Variants in DNAH12 observed in about 807,000 individuals in gnomAD.
DNAH12 encodes dynein axonemal heavy chain 12, also known as axonemal beta dynein heavy chain 12.
Under a neutral mutation model 371.5 loss-of-function variants are expected in DNAH12, and 285 were observed. That is an observed-to-expected ratio of 0.77 (90% CI 0.70 to 0.85). The LOEUF is 0.85. DNAH12 is among the 40% of genes least tolerant of loss of function. The probability of loss-of-function intolerance (pLI) is 0.00; values close to 1 mark genes in which losing one functional copy is unlikely to be tolerated. For missense variants in DNAH12, 3,611 were observed against 3,689.4 expected, an observed-to-expected ratio of 0.98 and a Z score of 0.55; for synonymous variants, 1,200 against 1,213.0, an observed-to-expected ratio of 0.99 and a Z score of 0.22.
chr3:57,380,891 G>C (rs988622417), intron 50 of DNAH12, among the ~76,000 whole-genome samples: 4 of 152,146 alleles, frequency 2.6e-5, no homozygotes, highest in East Asian at 1.9e-4. Flanking sequence ...GTTTAAAAAA[G>C]TAAACACTGA....
rs1257584651 is a variant in DNAH12, at chr3:57,424,943, T to C, written c.5373+79A>G. On this transcript the variant is annotated intron_variant, in intron 35 of 73. Coordinates refer to ENST00000495027, the MANE Select transcript of DNAH12 (RefSeq NM_001366028.2). ...CAAAAAATAGCTTTGGATCTTGTCA[T>C]GTCTTTCTCAATATAAACATCATGT... is the stretch of plus-strand genomic sequence containing the variant. The C allele has an allele frequency of 1.6e-5, 10 of 625,662 alleles. No individual in the cohort carries two copies. The East Asian group carries it at 2.7e-4, about 17-fold the overall frequency. The allele number at this position is 625,662 out of a possible 1,614,324, so 38.8% of individuals were successfully genotyped here.
chr3:57,322,284 C>T, intron 65 of DNAH12, 59 bp downstream of exon 65: 1 of 1,411,254 alleles, frequency 7.1e-7, no homozygotes, highest in African/African-American at 1.5e-5. Flanking sequence ...CAAAATTTTA[C>T]ACTTCCATAT....
chr3:57,294,176 C>CTT lies in DNAH12; in HGVS notation c.11693-207_11693-206dup, dbSNP rs62779960. ...ACAAGGCAAGTATTTCTTTTCTTTT[C>CTT]TTTTTTTTTTTTTTTTTGGAGACTG... On this transcript the variant is annotated intron_variant, in intron 73 of 73. Transcript: ENST00000495027. Among the ~76,000 whole-genome samples, 338 of 129,068 alleles carry CTT rather than the reference C, an allele frequency of 2.6e-3. 5 individuals are homozygous for CTT. Among genetic ancestry groups the CTT allele is most frequent in the African/African-American group, 7.2e-3 (245 of 34,158 alleles). The allele number at this position is 129,068 out of a possible 152,430, so 84.7% of individuals were successfully genotyped here.
At chr3:57,415,312 A>C (rs1218040172) in intron 38 of DNAH12, 114 bp downstream of exon 38, 1 of 1,366,358 alleles carries the variant, frequency 7.3e-7, no homozygotes, top group Non-Finnish European at 9.7e-7. Context: ...CAAACATTTG[A>C]AAGTTTTAAA....
intron 4 of DNAH12, among the ~76,000 whole-genome samples, chr3:57,517,761 C>T (rs975337570): frequency 2.0e-5 from 3 of 152,218 alleles, no homozygotes; most frequent in South Asian, 4.1e-4. Flanking sequence ...CTTGAAAACT[C>T]CCTGGCCCAG....
chr3:57,354,026 T>C (rs1245615562), intron 59 of DNAH12, among the ~76,000 whole-genome samples: 1 of 152,166 alleles, frequency 6.6e-6, no homozygotes, highest in East Asian at 1.9e-4. Context: ...ATTGGGTACA[T>C]ACCCAAAGGA....
At chr3:57,501,212 G>T (rs1020390755) in intron 11 of DNAH12, 109 bp downstream of exon 11, 4 of 783,072 alleles carry the variant, frequency 5.1e-6, no homozygotes, top group African/African-American at 3.7e-5. Flanking sequence ...TTACTGAAAT[G>T]ATATTTTAAA....
At chr3:57,304,194 C>G (rs1020917563) in intron 69 of DNAH12, among the ~76,000 whole-genome samples, 2 of 152,110 alleles carry the variant, frequency 1.3e-5, no homozygotes, top group African/African-American at 4.8e-5. Flanking sequence ...CTGCGTGCAC[C>G]CAGGTGATTA....
chr3:57,429,322 A>T (rs558301498), intron 33 of DNAH12, among the ~76,000 whole-genome samples: 1 of 152,152 alleles, frequency 6.6e-6, no homozygotes, highest in Non-Finnish European at 1.5e-5. Flanking sequence ...GATTACAGGC[A>T]TGCACCACCA....
In DNAH12 at chr3:57,323,013, A is replaced by G. The variant is rs1451562254; in HGVS notation, c.10377T>C (p.Ser3459=). The change falls in exon 64 of 74, where the codon TCT becomes TCC. Residue 3459 remains serine, a synonymous_variant. Transcript: ENST00000495027. ...SFRLWLTSYP[S]SKFPVTILQN... Reference sequence around the variant, plus strand: ...TATAAGGAAATAAACATACTTTTGAAGATGGATAGCTTGTCAGCCAAAGCC... The same window carrying G: ...TATAAGGAAATAAACATACTTTTGAGGATGGATAGCTTGTCAGCCAAAGCC... The G allele has an allele frequency of 1.9e-6, 3 of 1,551,916 alleles. No individual in the cohort carries two copies. Among genetic ancestry groups the G allele is most frequent in the Non-Finnish European group, 2.6e-6 (3 of 1,147,042 alleles).
Position 57,404,968 on chromosome 3 carries a change from C to A in DNAH12, c.6755+1G>T. The A allele has an allele frequency of 6.6e-7, 1 of 1,508,038 alleles. No individual in the cohort carries two copies. Among genetic ancestry groups the A allele is most frequent in the Non-Finnish European group, 8.8e-7 (1 of 1,132,924 alleles). 93.4% of individuals were successfully genotyped at this position (1,508,038 alleles called of 1,614,324 possible). A position where few individuals can be genotyped will look rare whatever the true frequency, so the allele number is the denominator to read the frequency against. On this transcript the variant is annotated splice_donor_variant, in intron 42 of 73. Transcript: ENST00000495027. LOFTEE classifies it high-confidence loss of function. ...CAAGCATCAACACCATATATAGGTA[C>A]CTAAAAATGACAAGATTCATTCTTG...
chr3:57,352,336 T>C (rs1221283833), intron 59 of DNAH12, 111 bp from the exon 60 acceptor site: 9 of 1,172,512 alleles, frequency 7.7e-6, no homozygotes, highest in Non-Finnish European at 1.1e-5. Context: ...ATTAAAAACG[T>C]ATAAAGATAC....
At chr3:57,421,481 T>A (rs1193457783) in intron 36 of DNAH12, 37 bp downstream of exon 36, 1 of 1,545,080 alleles carries the variant, frequency 6.5e-7, no homozygotes, top group African/African-American at 1.4e-5. Flanking sequence ...TAAGCCTTTG[T>A]GTTTTATCTT....
At chr3:57,374,289 G>A (rs2063236633) in intron 55 of DNAH12, among the ~76,000 whole-genome samples, 1 of 152,162 alleles carries the variant, frequency 6.6e-6, no homozygotes, top group East Asian at 1.9e-4. Context: ...TTGTGAAGAT[G>A]TAGGGCACTT....
chr3:57,381,871 ATATATT>A (rs1190416602), intron 50 of DNAH12, among the ~76,000 whole-genome samples: 56 of 128,158 alleles, frequency 4.4e-4, no homozygotes, highest in Non-Finnish European at 7.3e-4. Flanking sequence ...AACCATATAT[ATATATT>A]TTTTTTTTTA....
At chr3:57,317,086 G>A (rs2061701858) in intron 65 of DNAH12, among the ~76,000 whole-genome samples, 1 of 152,110 alleles carries the variant, frequency 6.6e-6, no homozygotes, top group African/African-American at 2.4e-5. Flanking sequence ...ATCTGCTGGT[G>A]GTCAATAAAT....
At chr3:57,356,959 T>G (rs2153325220) in intron 59 of DNAH12, among the ~76,000 whole-genome samples, 1 of 152,104 alleles carries the variant, frequency 6.6e-6, no homozygotes, top group East Asian at 1.9e-4. Flanking sequence ...GCCAGGCTGG[T>G]CTCGAACTCC....
chr3:57,472,286 T>G (rs568798180), intron 14 of DNAH12, among the ~76,000 whole-genome samples: 14 of 152,332 alleles, frequency 9.2e-5, no homozygotes, highest in South Asian at 2.1e-4. Context: ...GAAAGCACTT[T>G]CTCAGTTAAG....
intron 29 of DNAH12, among the ~76,000 whole-genome samples, chr3:57,439,223 A>C (rs912439725): frequency 6.6e-6 from 1 of 152,190 alleles, no homozygotes; most frequent in Non-Finnish European, 1.5e-5. Flanking sequence ...ATTCAGATGG[A>C]ACCAAAAAGG....
Sources: allele counts gnomAD v4.1 joint callset (sites outside exome capture counted in the v4.1 genomes callset), GRCh38; gene constraint gnomAD v4.1.1; transcripts MANE v1.5; gene names NCBI Gene and HGNC (gene_info 2026-07-23, HGNC 2026-07-21).